The following LBH variants were observed in gnomAD, a reference collection of about 807,000 sequenced individuals.
LBH encodes the protein protein LBH.
LBH carries 7 observed loss-of-function variants against 12.5 expected under a neutral mutation model. That is an observed-to-expected ratio of 0.56 (90% CI 0.32 to 1.05). The LOEUF (loss-of-function observed/expected upper bound fraction) is 1.05. LBH is among the 50% of genes least tolerant of loss of function. The probability of loss-of-function intolerance (pLI) is 0.04; values close to 1 mark genes in which losing one functional copy is unlikely to be tolerated. For missense variants in LBH, 119 were observed against 138.9 expected (o/e 0.86, Z 0.72); for synonymous variants, 51 against 50.1 (o/e 1.02, Z -0.08).
intron 2 of LBH, among the ~76,000 whole-genome samples, chr2:30,248,612 CAG>C (rs1232726244): frequency 1.3e-5 from 2 of 152,148 alleles, no homozygotes; most frequent in Non-Finnish European, 2.9e-5. Context: ...CTGGAGGTGA[CAG>C]GGGGCCAGTC....
rs956048267 is a variant in LBH, at chr2:30,252,786, C to T, written c.130-4647C>T. Among the ~76,000 whole-genome samples, 8 of 152,322 alleles carry T rather than the reference C, an allele frequency of 5.3e-5. No individual in the cohort carries two copies. The South Asian group carries it at 6.2e-4, about 12-fold the overall frequency. On this transcript the variant is annotated intron_variant, in intron 2 of 2. Transcript: ENST00000395323. ...TCATTTCAGCCATCAGCTTTGGCAG[C>T]CCAATGTGGCTGCTGGATGTGGAGT...
chr2:30,237,309 T>C (rs72787712), intron 2 of LBH, among the ~76,000 whole-genome samples: 1,971 of 152,360 alleles, frequency 0.013, 23 homozygotes, highest in South Asian at 0.071. Flanking sequence ...AAATGGCACA[T>C]TGGACTTTGT....
At position 30,237,433 on chromosome 2, in the gene LBH, G is replaced by GCTTCGAGGCATCCTCGATGATA. The variant is rs66466743; in HGVS notation, c.129+2934_129+2935insCATCCTCGATGATACTTCGAGG. Among the ~76,000 whole-genome samples the GCTTCGAGGCATCCTCGATGATA allele has an allele frequency of 8.7e-3, 1,246 of 143,954 alleles. 29 individuals are homozygous for GCTTCGAGGCATCCTCGATGATA. In the East Asian group the frequency reaches 0.1, roughly 12 times the overall value. The allele number at this position is 143,954 out of a possible 152,430, so 94.4% of individuals were successfully genotyped here. ...GCATTTTGTACTTGCCAATGATGCCGCTTCGAGGATACGGGTCCTGTTTTA... is the reference window on the plus strand; with the variant it reads ...GCATTTTGTACTTGCCAATGATGCCGCTTCGAGGCATCCTCGATGATACTTCGAGGATACGGGTCCTGTTTTA... On this transcript the variant is annotated intron_variant, in intron 2 of 2. Coordinates refer to ENST00000395323, the MANE Select transcript of LBH (RefSeq NM_030915.4).
At chr2:30,242,057 A>T (rs996611651) in intron 2 of LBH, among the ~76,000 whole-genome samples, 2 of 152,178 alleles carry the variant, frequency 1.3e-5, no homozygotes, top group Non-Finnish European at 2.9e-5. Flanking sequence ...TTTTTAGGTT[A>T]CGTATATTTT....
At chr2:30,244,314 T>C (rs1677839532) in intron 2 of LBH, among the ~76,000 whole-genome samples, 1 of 152,204 alleles carries the variant, frequency 6.6e-6, no homozygotes. Flanking sequence ...TAGAGATTTG[T>C]ATGCCAAATT....
intron 1 of LBH, among the ~76,000 whole-genome samples, chr2:30,234,015 T>A (rs1677637858): frequency 6.6e-6 from 1 of 152,230 alleles, no homozygotes; most frequent in South Asian, 2.1e-4. Flanking sequence ...TTATTCTTAG[T>A]TGGAGAAGTG....
chr2:30,231,575 C>A lies in LBH; in HGVS notation c.-164C>A. ...AGAGCGGGGAGTTGTGTCCACCTTGCCGACGTCGCTAGCCGTGGGGCTGTC... is the reference window on the plus strand; with the variant it reads ...AGAGCGGGGAGTTGTGTCCACCTTGACGACGTCGCTAGCCGTGGGGCTGTC... On this transcript the variant is annotated 5_prime_UTR_variant, in exon 1 of 3. Coordinates refer to ENST00000395323, the MANE Select transcript of LBH (RefSeq NM_030915.4). 1 of 656,826 alleles carries A rather than the reference C, an allele frequency of 1.5e-6. No homozygotes were observed. The highest frequency in any genetic ancestry group is 2.7e-6 in the Non-Finnish European group (1 of 366,472). 40.7% of individuals were successfully genotyped at this position (656,826 alleles called of 1,614,324 possible). A position where few individuals can be genotyped will look rare whatever the true frequency, so the allele number is the denominator to read the frequency against.
At position 30,257,969 on chromosome 2, in the gene LBH, C is replaced by A; in HGVS notation, c.*348C>A. ...AGGCAGTGGTGGGATTCCAATGGGT[C>A]TTGGTGGGTGGGAGGTGGGGCATGT... On this transcript the variant is annotated 3_prime_UTR_variant, in exon 3 of 3. Transcript: ENST00000395323. 1 of 186,334 alleles carries A rather than the reference C, an allele frequency of 5.4e-6. No individual in the cohort carries two copies. The highest frequency in any genetic ancestry group is 1.1e-5 in the Non-Finnish European group (1 of 89,738). The allele number at this position is 186,334 out of a possible 1,614,324, so 11.5% of individuals were successfully genotyped here. A position where few individuals can be genotyped will look rare whatever the true frequency, so the allele number is the denominator to read the frequency against.
chr2:30,241,645 T>G (rs1193656321), intron 2 of LBH, among the ~76,000 whole-genome samples: 1 of 151,924 alleles, frequency 6.6e-6, no homozygotes, highest in Non-Finnish European at 1.5e-5. Flanking sequence ...TTTTTATGAG[T>G]AGAGACGGGG....
chr2:30,256,139 C>T (rs906755994), intron 2 of LBH, among the ~76,000 whole-genome samples: 9 of 152,066 alleles, frequency 5.9e-5, no homozygotes, highest in Non-Finnish European at 1.2e-4. Flanking sequence ...ACTGCTGGGC[C>T]AAGAATTGGG....
chr2:30,231,893 C>A, intron 1 of LBH, 129 bp downstream of exon 1: 1 of 734,858 alleles, frequency 1.4e-6, no homozygotes. Flanking sequence ...ACCCGCCGCC[C>A]GAGCCCGTGC....
intron 2 of LBH, among the ~76,000 whole-genome samples, chr2:30,255,719 C>T (rs1300681785): frequency 6.6e-6 from 1 of 152,130 alleles, no homozygotes; most frequent in African/African-American, 2.4e-5. Context: ...CCTCAGAGCA[C>T]CACAGAAGTT....
At chr2:30,257,392 A>G (rs770912054) in intron 2 of LBH, 41 bp from the exon 3 acceptor site, 1 of 1,607,004 alleles carries the variant, frequency 6.2e-7, no homozygotes. Context: ...TCTCTTTTCA[A>G]ATATCTACGT....
intron 2 of LBH, among the ~76,000 whole-genome samples, chr2:30,250,523 G>A (rs1316270097): frequency 2.6e-5 from 4 of 151,490 alleles, no homozygotes; most frequent in Non-Finnish European, 4.4e-5. Context: ...TGCACACTCA[G>A]GGGAGGGTGG....
chr2:30,238,203 A>G (rs1010657003), intron 2 of LBH, among the ~76,000 whole-genome samples: 1 of 152,182 alleles, frequency 6.6e-6, no homozygotes, highest in Non-Finnish European at 1.5e-5. Context: ...GGGCACCGAC[A>G]CTGCCTCCAC....
intron 2 of LBH, among the ~76,000 whole-genome samples, chr2:30,239,812 C>T (rs918824270): frequency 2.0e-5 from 3 of 152,158 alleles, no homozygotes; most frequent in Admixed American, 6.5e-5. Flanking sequence ...CATTGTTCAC[C>T]TTGTTCAGAG....
At position 30,232,822 on chromosome 2, in the gene LBH, C is replaced by G. The variant is rs1677617595; in HGVS notation, c.26+1058C>G. The G allele has an allele frequency of 1.3e-5, 2 of 152,372 alleles. 1 individual carries two copies. Among genetic ancestry groups the G allele is most frequent in the South Asian group, 4.1e-4 (2 of 4,834 alleles). 9.4% of individuals were successfully genotyped at this position (152,372 alleles called of 1,614,324 possible). ...GGCTCCTTTCTTTGGAGGTCGCCAG[C>G]AGCCTTTCCAAGACCCGGGAGGAAA... On this transcript the variant is annotated intron_variant, in intron 1 of 2. Transcript: ENST00000395323.
rs1262261375 is a variant in LBH, at chr2:30,234,637, C to CTA, written c.129+130_129+131insTA. ...GGGACTGTGGCAGAGTCCCCTAATG[C>CTA]CAGTAAGCCTCAGTTTCTTCATCTG... On this transcript the variant is annotated intron_variant, in intron 2 of 2. Transcript: ENST00000395323. 1.3e-5 allele frequency: 8 copies of CTA among 622,474 alleles called. No homozygotes were observed. The Admixed American group carries it at 2.2e-4, about 17-fold the overall frequency. The allele number at this position is 622,474 out of a possible 1,614,324, so 38.6% of individuals were successfully genotyped here. A position where few individuals can be genotyped will look rare whatever the true frequency, so the allele number is the denominator to read the frequency against.
intron 2 of LBH, among the ~76,000 whole-genome samples, chr2:30,241,770 G>A (rs994390617): frequency 6.6e-6 from 1 of 152,000 alleles, no homozygotes; most frequent in African/African-American, 2.4e-5. Flanking sequence ...AGCCTATTTT[G>A]TTTCTTAAAT....
Sources: gnomAD v4.1 joint callset for allele counts (sites outside exome capture counted in the v4.1 genomes callset) on GRCh38, gnomAD v4.1.1 for gene constraint, MANE v1.5 for transcripts, NCBI Gene and HGNC (gene_info 2026-07-23, HGNC 2026-07-21) for gene names.